Variants in RBM10 observed in about 807,000 individuals in gnomAD.
The protein encoded by RBM10 is RNA-binding protein 10.
In RBM10, 1 loss-of-function variant was observed where a neutral mutation model predicts 84.9. That is an observed-to-expected ratio of 0.01 (90% CI 0.00 to 0.06). The LOEUF (loss-of-function observed/expected upper bound fraction) is 0.06. Among genes scored for constraint, RBM10 ranks in the 10% least tolerant of loss-of-function variants. The pLI, the probability that RBM10 is intolerant of heterozygous loss-of-function variation, is 1.00. For missense variants in RBM10, 438 were observed against 839.0 expected (o/e 0.52, Z 5.90); for synonymous variants, 326 against 344.5 (o/e 0.95, Z 0.60).
chrX:47,180,359 C>T, intron 11 of RBM10, 50 bp downstream of exon 11: 1 of 1,127,974 alleles, frequency 8.9e-7, no homozygotes, highest in Middle Eastern at 2.6e-4. Context: ...CCCACCCTCC[C>T]ACTCCCCCCT....
At chrX:47,149,816 C>CA (rs1485037965) in intron 2 of RBM10, among the ~76,000 whole-genome samples, 4 of 100,429 alleles carry the variant, frequency 4.0e-5, no homozygotes, top group Non-Finnish European at 8.0e-5. Flanking sequence ...GTGCTAGCAT[C>CA]ATTTTTTTTT....
intron 2 of RBM10, among the ~76,000 whole-genome samples, chrX:47,155,221 A>G (rs1405706611): frequency 9.1e-6 from 1 of 109,362 alleles, no homozygotes; most frequent in Non-Finnish European, 1.9e-5. Flanking sequence ...TTTTGTTCAC[A>G]GCAGTATCCC....
chrX:47,177,035 T>C (rs1935202659), intron 7 of RBM10, among the ~76,000 whole-genome samples: 1 of 111,757 alleles, frequency 8.9e-6, no homozygotes, highest in Non-Finnish European at 1.9e-5. Context: ...TTGCCTCACT[T>C]TCCCCATCTC....
At chrX:47,155,464 G>A (rs1556764901) in intron 2 of RBM10, among the ~76,000 whole-genome samples, 1 of 110,262 alleles carries the variant, frequency 9.1e-6, no homozygotes, top group Non-Finnish European at 1.9e-5. Flanking sequence ...CTGGTGCGGT[G>A]GCTCATGCCT....
chrX:47,177,882 G>A (rs958259390), intron 7 of RBM10, among the ~76,000 whole-genome samples: 4 of 111,868 alleles, frequency 3.6e-5, no homozygotes, highest in African/African-American at 1.3e-4. Flanking sequence ...CTCCCAAAGT[G>A]CTGGGATTAC....
chrX:47,183,705 TA>T (rs1326276802), intron 17 of RBM10, among the ~76,000 whole-genome samples: 2 of 110,868 alleles, frequency 1.8e-5, no homozygotes, highest in Non-Finnish European at 3.8e-5. Flanking sequence ...ATTTATTTAT[TA>T]TTTTTTTGAG....
chrX:47,167,310 G>T (rs781921053), intron 2 of RBM10, among the ~76,000 whole-genome samples: 1 of 108,628 alleles, frequency 9.2e-6, no homozygotes, highest in African/African-American at 3.3e-5. Flanking sequence ...TTGGATTATA[G>T]GTTTCCCCAT....
intron 2 of RBM10, among the ~76,000 whole-genome samples, chrX:47,158,375 G>A (rs1933355574): frequency 8.9e-6 from 1 of 111,839 alleles, no homozygotes; most frequent in Non-Finnish European, 1.9e-5. Context: ...CCCACCCCTG[G>A]CCACCCAGCT....
chrX:47,178,017 G>A (rs190532050), intron 7 of RBM10, among the ~76,000 whole-genome samples: 2 of 110,666 alleles, frequency 1.8e-5, no homozygotes, highest in Admixed American at 9.6e-5. Flanking sequence ...TCCCTCCCTC[G>A]CCATTCCCGC....
chrX:47,171,429 C>T (rs967952165), intron 4 of RBM10, among the ~76,000 whole-genome samples, 171 bp downstream of exon 4: 3 of 112,566 alleles, frequency 2.7e-5, no homozygotes, highest in Admixed American at 9.4e-5. Flanking sequence ...TCCCATCGGC[C>T]CCCCGGTCTG....
intron 2 of RBM10, among the ~76,000 whole-genome samples, chrX:47,159,639 A>G (rs782295079): frequency 2.7e-4 from 30 of 111,311 alleles, no homozygotes; most frequent in Non-Finnish European, 4.7e-4. Flanking sequence ...CACATAAACC[A>G]GTGGAACAGA....
chrX:47,156,927 A>G, intron 2 of RBM10: 1 of 216,105 alleles, frequency 4.6e-6, no homozygotes, highest in Non-Finnish European at 8.9e-6. Flanking sequence ...GTCTTGGAAA[A>G]TGGTGGCGAT....
chrX:47,177,491 G>A (rs990124991), intron 7 of RBM10, among the ~76,000 whole-genome samples: 1 of 111,996 alleles, frequency 8.9e-6, no homozygotes, highest in African/African-American at 3.2e-5. Context: ...GTCAGGGAGA[G>A]TGGTGCATCT....
At chrX:47,153,716 T>A (rs990225745) in intron 2 of RBM10, among the ~76,000 whole-genome samples, 37 of 111,938 alleles carry the variant, frequency 3.3e-4, no homozygotes, top group Non-Finnish European at 7.5e-5. Flanking sequence ...TTGGGCAGCC[T>A]TTGTTATTCT....
At chrX:47,176,132 T>C (rs781883439) in intron 6 of RBM10, among the ~76,000 whole-genome samples, 2 of 110,065 alleles carry the variant, frequency 1.8e-5, no homozygotes, top group Non-Finnish European at 3.8e-5. Flanking sequence ...CCCCTCCCTG[T>C]CTCCCCTCAC....
In RBM10 at chrX:47,185,071, A is replaced by G. The variant is rs2147209852; in HGVS notation, c.1967A>G (p.Glu656Gly). Residue 656 changes from glutamate to glycine, a missense_variant, in exon 18 of 24, where the codon GAA (glutamate) becomes GGA (glycine). Glu to Gly is a moderately conservative substitution (Grantham distance 98). Coordinates refer to ENST00000377604, the MANE Select transcript of RBM10 (RefSeq NM_005676.5). ...CACCCCCAGATTGCCAAGGACATGG[A>G]ACGCTGGGCCCGCAGTCTCAACAAA... ...KTAQQIAKDM[E>G]RWARSLNKQK... 8.3e-7 allele frequency: 1 copy of G among 1,209,214 alleles called. No homozygotes were observed. Among genetic ancestry groups the G allele is most frequent in the South Asian group, 1.8e-5 (1 of 56,620 alleles).
At chrX:47,164,625 T>C (rs1378760471) in intron 2 of RBM10, among the ~76,000 whole-genome samples, 2 of 111,738 alleles carry the variant, frequency 1.8e-5, no homozygotes, top group Non-Finnish European at 3.8e-5. Context: ...ATAACAAGTG[T>C]TGGTGAGGAT....
intron 2 of RBM10, among the ~76,000 whole-genome samples, chrX:47,154,064 TAATAA>T (rs370854659): frequency 0.014 from 1,557 of 111,107 alleles, 18 homozygotes; most frequent in African/African-American, 0.042. Context: ...TCTCAAAAAA[TAATAA>T]AATAAAAGCA....
intron 4 of RBM10, 91 bp downstream of exon 4, chrX:47,171,349 T>C: frequency 8.9e-7 from 1 of 1,127,304 alleles, no homozygotes; most frequent in Non-Finnish European, 1.2e-6. Flanking sequence ...ACCTGCAACC[T>C]CAGCGCCTTT....
Sources: allele counts gnomAD v4.1 joint callset (sites outside exome capture counted in the v4.1 genomes callset), GRCh38; gene constraint gnomAD v4.1.1; transcripts MANE v1.5; gene names NCBI Gene and HGNC (gene_info 2026-07-23, HGNC 2026-07-21).